PCK1: variants seen among roughly 807,000 people sequenced by gnomAD.
The protein encoded by PCK1 is phosphoenolpyruvate carboxykinase 1, also known as phosphoenolpyruvate carboxykinase, cytosolic [GTP].
Under a neutral mutation model 50.3 loss-of-function variants are expected in PCK1, and 44 were observed. The ratio of observed to expected loss-of-function variants is 0.87; its 90% CI spans 0.69 to 1.12. The LOEUF is 1.12. Among genes scored for constraint, PCK1 ranks in the 50% most tolerant of loss-of-function variants. PCK1 has a pLI of 0.00. For synonymous variants in PCK1, 332 were observed against 314.3 expected, an observed-to-expected ratio of 1.06 and a Z score of -0.59; for missense variants, 790 against 815.0, an observed-to-expected ratio of 0.97 and a Z score of 0.37.
chr20:57,567,224 T>C lies in PCK1; in HGVS notation c.*1420T>C, dbSNP rs1255478521. ...ACCACACCCCAGCGGGCAGGCTTGTTCTTATGTCACACTCCACCCCTCCAG... is the reference window on the plus strand; with the variant it reads ...ACCACACCCCAGCGGGCAGGCTTGTCCTTATGTCACACTCCACCCCTCCAG... On this transcript the variant is annotated 3_prime_UTR_variant, in exon 10 of 10. Transcript: ENST00000319441. The C allele has an allele frequency of 6.6e-6, 1 of 152,236 alleles. No homozygotes were observed. Among genetic ancestry groups the C allele is most frequent in the Non-Finnish European group, 1.5e-5 (1 of 68,078 alleles). 9.4% of individuals were successfully genotyped at this position (152,236 alleles called of 1,614,324 possible). A position where few individuals can be genotyped will look rare whatever the true frequency, so the allele number is the denominator to read the frequency against.
intron 6 of PCK1, 67 bp downstream of exon 6, chr20:57,563,794 G>C (rs994103099): frequency 7.1e-5 from 92 of 1,294,682 alleles, no homozygotes; most frequent in Middle Eastern, 1.9e-4. Flanking sequence ...TTCGAAACAT[G>C]TCACATTCTC....
chr20:57,562,358 GAT>G (rs2070154496), intron 3 of PCK1, 106 bp downstream of exon 3: 2 of 957,736 alleles, frequency 2.1e-6, no homozygotes, highest in Non-Finnish European at 3.1e-6. Context: ...CACCACCTCA[GAT>G]GTCTTTCAGT....
At chr20:57,563,491 C>T in intron 5 of PCK1, 74 bp from the exon 6 acceptor site, 1 of 1,055,404 alleles carries the variant, frequency 9.5e-7, no homozygotes, top group Non-Finnish European at 1.4e-6. Context: ...GCCTACATTC[C>T]AACCTCTGGG....
rs768548800 is a variant in PCK1 at position 57,562,220 on chromosome 20, C to T, written c.374C>T (p.Ala125Val). The T allele has an allele frequency of 6.2e-6, 10 of 1,614,006 alleles. No homozygotes were observed. In the Middle Eastern group the frequency reaches 4.9e-4, roughly 80 times the overall value. The stretch of plus-strand genomic sequence containing the variant: ...ATGTCAGAGGAGGATTTTGAGAAAG[C>T]GTTCAATGCCAGGTTCCCAGGGTGC... ...RWMSEEDFEK[A>V]FNARFPGCMK... is the part of the protein sequence containing the mutation. The change falls in exon 3 of 10, where the codon GCG (alanine) becomes GTG (valine). Residue 125 changes from alanine (A) to valine (V), a missense_variant. Transcript: ENST00000319441.
chr20:57,567,847 T>A lies in PCK1; in HGVS notation c.*2043T>A, dbSNP rs1425837845. 1 of 152,182 alleles carries A rather than the reference T, an allele frequency of 6.6e-6. No homozygotes were observed. Among genetic ancestry groups the A allele is most frequent in the Non-Finnish European group, 1.5e-5 (1 of 68,168 alleles). 9.4% of individuals were successfully genotyped at this position (152,182 alleles called of 1,614,324 possible). A position where few individuals can be genotyped will look rare whatever the true frequency, so the allele number is the denominator to read the frequency against. On this transcript the variant is annotated 3_prime_UTR_variant, in exon 10 of 10. Transcript: ENST00000319441. ...AGACACTGGCCATCTCCAAATTCCC[T>A]CCCCTCCTGCACAGCATCAGCCACC...
At chr20:57,564,749 C>T (rs1326668890) in intron 8 of PCK1, 136 bp downstream of exon 8, 12 of 807,652 alleles carry the variant, frequency 1.5e-5, no homozygotes, top group Non-Finnish European at 2.2e-5. Flanking sequence ...TCCCAAAGAT[C>T]CAGAATAATT....
Sources: gnomAD v4.1 joint callset for allele counts on GRCh38, gnomAD v4.1.1 for gene constraint, MANE v1.5 for transcripts, NCBI Gene and HGNC (gene_info 2026-07-23, HGNC 2026-07-21) for gene names.